CMSS1: variants seen among roughly 807,000 people sequenced by gnomAD.
The protein encoded by CMSS1 is protein CMSS1.
A neutral mutation model predicts 43.5 loss-of-function variants in CMSS1; 33 were observed. That is an observed-to-expected ratio of 0.76 (90% confidence interval 0.57 to 1.01). The LOEUF (loss-of-function observed/expected upper bound fraction) is 1.01, where lower values mean the gene tolerates loss of function less well. Among genes scored for constraint, CMSS1 ranks in the 50% least tolerant of loss-of-function variants. The pLI, the probability that CMSS1 is intolerant of heterozygous loss-of-function variation, is 0.00. For missense variants in CMSS1, 313 were observed against 326.4 expected (o/e 0.96, Z 0.32); for synonymous variants, 115 against 117.2 (o/e 0.98, Z 0.12).
intron 1 of CMSS1, among the ~76,000 whole-genome samples, chr3:99,875,425 TC>T (rs1295131714): frequency 6.6e-6 from 1 of 152,266 alleles, no homozygotes; most frequent in Admixed American, 6.5e-5. Context: ...GTGAGGTTTG[TC>T]ATTTTTCCAA....
intron 1 of CMSS1, among the ~76,000 whole-genome samples, chr3:100,016,629 A>G (rs992907581): frequency 1.3e-5 from 2 of 152,208 alleles, no homozygotes; most frequent in African/African-American, 4.8e-5. Flanking sequence ...CCATATGAAT[A>G]TGCATATAAA....
chr3:99,878,684 A>G (rs1237608529), intron 1 of CMSS1, among the ~76,000 whole-genome samples: 1 of 152,214 alleles, frequency 6.6e-6, no homozygotes, highest in Non-Finnish European at 1.5e-5. Flanking sequence ...GGTGGCAGCA[A>G]CGTATCTTGT....
chr3:99,850,694 C>T, intron 1 of CMSS1: 1 of 1,614,148 alleles, frequency 6.2e-7, no homozygotes, highest in Non-Finnish European at 8.5e-7. Flanking sequence ...CTGAGTGCTG[C>T]CAGCTTTTGT....
At chr3:99,905,968 AGATCACTTGAACTTAGAAGTTCAAG>A (rs1706603242) in intron 1 of CMSS1, among the ~76,000 whole-genome samples, 1 of 152,180 alleles carries the variant, frequency 6.6e-6, no homozygotes, top group South Asian at 2.1e-4. Flanking sequence ...TGAGGCAGGC[AGATCACTTGAACTTAGAAGTTCAAG>A]GCCAGCCTAG....
At chr3:99,862,429 T>C (rs928705248) in intron 1 of CMSS1, among the ~76,000 whole-genome samples, 1 of 152,222 alleles carries the variant, frequency 6.6e-6, no homozygotes, top group Non-Finnish European at 1.5e-5. Context: ...ATGGATCTTT[T>C]CAGCTATGCA....
chr3:99,818,798 A>G lies in CMSS1; in HGVS notation c.64+755A>G, dbSNP rs532978123. On this transcript the variant is annotated intron_variant, in intron 1 of 9. Transcript: ENST00000421999. ...AGTTAACACAATTTGAATAGTTTCT[A>G]CTATGCTCTGCTGTGTTTACCAACT... 1.7e-4 allele frequency among the ~76,000 whole-genome samples: 26 copies of G among 152,362 alleles called. No individual in the cohort carries two copies. In the South Asian group the frequency reaches 4.1e-3, roughly 24 times the overall value.
intron 1 of CMSS1, among the ~76,000 whole-genome samples, chr3:99,881,684 T>C (rs150260816): frequency 1.8e-4 from 28 of 152,156 alleles, no homozygotes; most frequent in African/African-American, 5.1e-4. Flanking sequence ...ACATGTGTGC[T>C]ACCACGCCTG....
intron 1 of CMSS1, among the ~76,000 whole-genome samples, chr3:99,950,788 G>A (rs1427028892): frequency 1.3e-5 from 2 of 152,132 alleles, no homozygotes; most frequent in Non-Finnish European, 2.9e-5. Flanking sequence ...TATGGTGCTG[G>A]AGACTTAGGT....
chr3:100,023,801 G>A (rs1367886723), intron 1 of CMSS1, among the ~76,000 whole-genome samples: 1 of 152,102 alleles, frequency 6.6e-6, no homozygotes, highest in Non-Finnish European at 1.5e-5. Context: ...TTACTCTCAG[G>A]AAAGCAAAGC....
intron 1 of CMSS1, among the ~76,000 whole-genome samples, chr3:99,882,726 CAG>C (rs959982977): frequency 1.3e-5 from 2 of 152,168 alleles, no homozygotes; most frequent in African/African-American, 4.8e-5. Context: ...ATGGCACAAA[CAG>C]TGTGATTAGT....
At chr3:100,110,776 C>G (rs777016357) in intron 1 of CMSS1, among the ~76,000 whole-genome samples, 10 of 152,136 alleles carry the variant, frequency 6.6e-5, no homozygotes, top group Non-Finnish European at 1.3e-4. Flanking sequence ...TTCCTCTTAC[C>G]CATGATAAAC....
chr3:99,833,323 G>A (rs531654002), intron 1 of CMSS1: 2 of 1,425,696 alleles, frequency 1.4e-6, no homozygotes, highest in East Asian at 2.3e-5. Context: ...TAAAAGTGTT[G>A]GTTTGTTTTA....
At chr3:99,990,352 T>G (rs118041482) in intron 1 of CMSS1, among the ~76,000 whole-genome samples, 3 of 152,280 alleles carry the variant, frequency 2.0e-5, no homozygotes, top group East Asian at 3.9e-4. Flanking sequence ...GAACTTAATA[T>G]TGATCCGTTC....
At chr3:100,028,115 A>G (rs551751498) in intron 1 of CMSS1, among the ~76,000 whole-genome samples, 2 of 152,360 alleles carry the variant, frequency 1.3e-5, no homozygotes, top group East Asian at 3.9e-4. Context: ...ACTAACATTT[A>G]TTAAACACTA....
At chr3:100,153,907 A>G (rs754536627) in intron 2 of CMSS1, among the ~76,000 whole-genome samples, 2 of 150,678 alleles carry the variant, frequency 1.3e-5, no homozygotes, top group African/African-American at 4.9e-5. Flanking sequence ...CTGGAGTGCA[A>G]TGACGCGATC....
intron 1 of CMSS1, among the ~76,000 whole-genome samples, chr3:99,858,893 T>G (rs1425266044): frequency 6.6e-6 from 1 of 152,248 alleles, no homozygotes; most frequent in African/African-American, 2.4e-5. Context: ...ACCTTGTGCT[T>G]CTTCTGTCAG....
chr3:100,060,900 G>C (rs1450970085), intron 1 of CMSS1, among the ~76,000 whole-genome samples: 3 of 152,060 alleles, frequency 2.0e-5, no homozygotes, highest in Admixed American at 1.3e-4. Context: ...GCATCTCTTT[G>C]AGCCATACAG....
intron 1 of CMSS1, among the ~76,000 whole-genome samples, chr3:99,909,615 C>T (rs1419173688): frequency 6.6e-6 from 1 of 152,054 alleles, no homozygotes; most frequent in Non-Finnish European, 1.5e-5. Flanking sequence ...AAAATCTTTG[C>T]ATAAAGAAAT....
chr3:99,911,811 A>G (rs1706797545), intron 1 of CMSS1, among the ~76,000 whole-genome samples: 1 of 152,170 alleles, frequency 6.6e-6, no homozygotes, highest in South Asian at 2.1e-4. Context: ...GACAGGATCC[A>G]TGTCTTCTTC....
Sources: gnomAD v4.1 joint callset for allele counts (sites outside exome capture counted in the v4.1 genomes callset) on GRCh38, gnomAD v4.1.1 for gene constraint, MANE v1.5 for transcripts, NCBI Gene and HGNC (gene_info 2026-07-23, HGNC 2026-07-21) for gene names.